The following EPHA3 variants were observed in gnomAD, a reference collection of about 807,000 sequenced individuals.
The protein encoded by EPHA3 is ephrin type-A receptor 3.
Under a neutral mutation model 107.1 loss-of-function variants are expected in EPHA3, and 42 were observed. That is an observed-to-expected ratio of 0.39 (90% CI 0.31 to 0.51). The LOEUF (loss-of-function observed/expected upper bound fraction) is 0.51, where lower values mean the gene tolerates loss of function less well. Among genes scored for constraint, EPHA3 ranks in the 20% least tolerant of loss-of-function variants. The probability of loss-of-function intolerance (pLI) is 0.78; values close to 1 mark genes in which losing one functional copy is unlikely to be tolerated. For missense variants in EPHA3, 1,183 were observed against 1,211.2 expected, an observed-to-expected ratio of 0.98 and a Z score of 0.35; for synonymous variants, 461 against 424.8, an observed-to-expected ratio of 1.09 and a Z score of -1.05.
chr3:89,112,735 C>T (rs1197224702), intron 1 of EPHA3, among the ~76,000 whole-genome samples: 1 of 151,602 alleles, frequency 6.6e-6, no homozygotes, highest in African/African-American at 2.4e-5. Context: ...TCATCAAACT[C>T]GATAAGGTTT....
chr3:89,331,380 C>G (rs1442491209), intron 3 of EPHA3, among the ~76,000 whole-genome samples: 2 of 152,086 alleles, frequency 1.3e-5, no homozygotes, highest in Admixed American at 1.3e-4. Context: ...ATATTATGAG[C>G]ATCTTTCCAT....
intron 5 of EPHA3, among the ~76,000 whole-genome samples, chr3:89,360,232 G>T (rs1195925937): frequency 1.3e-5 from 2 of 150,270 alleles, no homozygotes; most frequent in Admixed American, 1.3e-4. Context: ...GTTTTGTTTT[G>T]CTCTGAAATG....
At chr3:89,392,415 A>G (rs576470322) in intron 5 of EPHA3, among the ~76,000 whole-genome samples, 2 of 151,770 alleles carry the variant, frequency 1.3e-5, no homozygotes, top group East Asian at 1.9e-4. Flanking sequence ...TCCAGCCTGG[A>G]CAACAAGAGT....
intron 13 of EPHA3, among the ~76,000 whole-genome samples, chr3:89,435,313 C>T (rs1329086042): frequency 2.6e-5 from 4 of 151,228 alleles, no homozygotes; most frequent in East Asian, 1.9e-4. Flanking sequence ...AATCTGGTCT[C>T]GATAAGCAGA....
intron 3 of EPHA3, among the ~76,000 whole-genome samples, chr3:89,263,956 G>T (rs374055805): frequency 6.6e-6 from 1 of 151,926 alleles, no homozygotes; most frequent in African/African-American, 2.4e-5. Context: ...TCAGGGGAGG[G>T]GATGCATTAC....
At chr3:89,110,970 G>A (rs563559120) in intron 1 of EPHA3, among the ~76,000 whole-genome samples, 2 of 151,980 alleles carry the variant, frequency 1.3e-5, no homozygotes, top group African/African-American at 4.8e-5. Flanking sequence ...ATCCAAAAGA[G>A]TTCATAAATT....
intron 3 of EPHA3, among the ~76,000 whole-genome samples, chr3:89,308,912 T>A (rs1241754755): frequency 1.3e-5 from 2 of 152,152 alleles, no homozygotes; most frequent in Non-Finnish European, 2.9e-5. Flanking sequence ...CAGTCTTTTC[T>A]TAGACTACTT....
intron 3 of EPHA3, among the ~76,000 whole-genome samples, chr3:89,308,552 T>C (rs996880416): frequency 6.6e-6 from 1 of 151,112 alleles, no homozygotes; most frequent in African/African-American, 2.4e-5. Context: ...ACAAGTTAGG[T>C]AGAAACAACT....
chr3:89,459,285 T>C (rs1305208516), intron 15 of EPHA3, among the ~76,000 whole-genome samples: 1 of 152,132 alleles, frequency 6.6e-6, no homozygotes, highest in African/African-American at 2.4e-5. Flanking sequence ...GACCTAATTA[T>C]AAAATTGGAT....
intron 2 of EPHA3, among the ~76,000 whole-genome samples, chr3:89,187,210 G>C (rs1705587389): frequency 6.7e-6 from 1 of 150,304 alleles, no homozygotes; most frequent in Non-Finnish European, 1.5e-5. Flanking sequence ...TTGTGTTTTT[G>C]AAAAGCAAAC....
chr3:89,322,775 A>G (rs1342560633), intron 3 of EPHA3, among the ~76,000 whole-genome samples: 2 of 152,138 alleles, frequency 1.3e-5, no homozygotes, highest in Non-Finnish European at 2.9e-5. Context: ...CAGCAAGTAC[A>G]AAGATTTCAG....
intron 10 of EPHA3, among the ~76,000 whole-genome samples, chr3:89,416,896 A>T (rs551280482): frequency 1.3e-5 from 2 of 151,618 alleles, no homozygotes; most frequent in South Asian, 4.1e-4. Flanking sequence ...CTTTACAAAT[A>T]TATGTCCAGT....
At chr3:89,414,243 C>A (rs913323421) in intron 10 of EPHA3, among the ~76,000 whole-genome samples, 2 of 151,540 alleles carry the variant, frequency 1.3e-5, no homozygotes, top group African/African-American at 4.8e-5. Context: ...AGTTAGTATG[C>A]GAACAGGACA....
intron 5 of EPHA3, among the ~76,000 whole-genome samples, chr3:89,356,080 A>G (rs1448234634): frequency 7.0e-6 from 1 of 143,018 alleles, no homozygotes; most frequent in Non-Finnish European, 1.5e-5. Flanking sequence ...GAGAATATAC[A>G]GTGTTTGGTT....
intron 3 of EPHA3, among the ~76,000 whole-genome samples, chr3:89,217,193 G>A (rs921706793): frequency 1.3e-5 from 2 of 152,088 alleles, no homozygotes; most frequent in African/African-American, 4.8e-5. Flanking sequence ...GAGAGCAATT[G>A]TAAAGAAGTA....
In EPHA3 at chr3:89,341,659, T is replaced by C. The variant is rs567444203; in HGVS notation, c.971-96T>C. ...AAAGTTGATAATAAAGAAAGGATAG[T>C]TATTTACCTCATTCAGTTCCATTGT... On this transcript the variant is annotated intron_variant, in intron 4 of 16. Coordinates refer to ENST00000336596, the MANE Select transcript of EPHA3 (RefSeq NM_005233.6). 3.8e-3 allele frequency: 3,697 copies of C among 964,732 alleles called. 11 individuals carry two copies. The highest frequency in any genetic ancestry group is 4.2e-3 in the Non-Finnish European group (2,735 of 651,208). The allele number at this position is 964,732 out of a possible 1,614,324, so 59.8% of individuals were successfully genotyped here.
At chr3:89,345,029 T>A (rs529780178) in intron 5 of EPHA3, among the ~76,000 whole-genome samples, 1 of 151,502 alleles carries the variant, frequency 6.6e-6, no homozygotes, top group Admixed American at 6.6e-5. Context: ...CATAAATTGC[T>A]GCTTTTTGTT....
At chr3:89,269,103 A>G (rs1037070941) in intron 3 of EPHA3, among the ~76,000 whole-genome samples, 7 of 152,136 alleles carry the variant, frequency 4.6e-5, no homozygotes, top group Admixed American at 6.6e-5. Flanking sequence ...AAATCTACTG[A>G]CCAATAAGAT....
intron 13 of EPHA3, among the ~76,000 whole-genome samples, chr3:89,437,800 G>A (rs1246972972): frequency 6.6e-6 from 1 of 152,176 alleles, no homozygotes; most frequent in Non-Finnish European, 1.5e-5. Context: ...TGCTGGGTAA[G>A]CCATCACTTC....
Sources: gnomAD v4.1 joint callset for allele counts (sites outside exome capture counted in the v4.1 genomes callset) on GRCh38, gnomAD v4.1.1 for gene constraint, MANE v1.5 for transcripts, NCBI Gene and HGNC (gene_info 2026-07-23, HGNC 2026-07-21) for gene names.